Variants in NOX1 observed in about 807,000 individuals in gnomAD.
NOX1 encodes the protein NADH/NADPH mitogenic oxidase subunit P65-MOX.
Under a neutral mutation model 42.5 loss-of-function variants are expected in NOX1, and 34 were observed. That is an observed-to-expected ratio of 0.80 (90% CI 0.61 to 1.07). The LOEUF is 1.07. Ranked by LOEUF, NOX1 falls within the 50% of genes least tolerant of loss-of-function variation. The pLI is 0.00. For synonymous variants in NOX1, 143 were observed against 152.5 expected (o/e 0.94, Z 0.46); for missense variants, 408 against 427.0 (o/e 0.96, Z 0.39).
At chrX:100,856,456 C>A (rs2085167897) in intron 7 of NOX1, 1 of 435,567 alleles carries the variant, frequency 2.3e-6, no homozygotes, top group Admixed American at 3.3e-5. Context: ...AGCTCCCTAT[C>A]TTTAAGGTCC....
chrX:100,856,276 C>T, intron 7 of NOX1: 1 of 838,328 alleles, frequency 1.2e-6, no homozygotes, highest in Non-Finnish European at 1.8e-6. Flanking sequence ...TTCCCCATCA[C>T]TCATAATGGC....
At chrX:100,847,519 C>A (rs186509839) in intron 12 of NOX1, among the ~76,000 whole-genome samples, 1 of 109,916 alleles carries the variant, frequency 9.1e-6, no homozygotes, top group Non-Finnish European at 1.9e-5. Context: ...AATCTCAGCA[C>A]TTTTGGGGGC....
intron 7 of NOX1, chrX:100,856,487 A>G: frequency 2.8e-6 from 1 of 359,847 alleles, no homozygotes. Context: ...TAGTCCGCTA[A>G]TACAGATCCC....
At chrX:100,850,832 A>G (rs1373834490) in intron 8 of NOX1, among the ~76,000 whole-genome samples, 1 of 108,107 alleles carries the variant, frequency 9.3e-6, no homozygotes, top group African/African-American at 3.4e-5. Context: ...GGTATGCCAA[A>G]CCCAAGTTCT....
intron 7 of NOX1, among the ~76,000 whole-genome samples, chrX:100,857,374 T>A (rs1462728985): frequency 8.9e-6 from 1 of 112,285 alleles, no homozygotes. Context: ...GAATGATTTA[T>A]ATTCCTTTGG....
At position 100,874,115 on chromosome X, in the gene NOX1, A is replaced by C. The variant is rs1263319264; in HGVS notation, c.25T>G (p.Trp9Gly). Residue 9 changes from tryptophan to glycine, a missense_variant, in exon 1 of 13, where the codon TGG (tryptophan) becomes GGG (glycine). Trp to Gly is a radical substitution (Grantham distance 184, BLOSUM62 -2). Coordinates refer to ENST00000372966, the MANE Select transcript of NOX1 (RefSeq NM_007052.5). MGNWVVNH[W>G]FSVLFLVVWL... ...CTTACCAGAAACAAAACTGAAAACC[A>C]GTGGTTAACCACCCAGTTTCCCATT... 8.3e-7 allele frequency: 1 copy of C among 1,203,719 alleles called. No individual in the cohort carries two copies. The highest frequency in any genetic ancestry group is 1.1e-6 in the Non-Finnish European group (1 of 890,052).
intron 2 of NOX1, among the ~76,000 whole-genome samples, chrX:100,870,278 G>A (rs7883683): frequency 2.2e-4 from 24 of 109,502 alleles, no homozygotes; most frequent in African/African-American, 7.0e-4. Context: ...AAGAAATAGG[G>A]GCAGGAGCAG....
At chrX:100,845,709 G>C (rs1395460503) in intron 12 of NOX1, among the ~76,000 whole-genome samples, 4 of 102,589 alleles carry the variant, frequency 3.9e-5, no homozygotes, top group African/African-American at 1.4e-4. Context: ...TCCACCTCCC[G>C]GGTTCAAGCG....
intron 12 of NOX1, 140 bp from the exon 13 acceptor site, chrX:100,844,218 T>C (rs1452332767): frequency 3.6e-6 from 2 of 557,430 alleles, no homozygotes; most frequent in Non-Finnish European, 2.8e-6. Flanking sequence ...TGGTAGTTTT[T>C]TAACCTTTTC....
At chrX:100,863,629 C>T in intron 2 of NOX1, 34 bp from the exon 3 acceptor site, 1 of 1,181,839 alleles carries the variant, frequency 8.5e-7, no homozygotes, top group South Asian at 1.9e-5. Context: ...CCATCAGCTG[C>T]TTCATTTCAC....
intron 10 of NOX1, 145 bp downstream of exon 10, chrX:100,849,626 TG>T: frequency 1.5e-6 from 1 of 650,974 alleles, no homozygotes; most frequent in Non-Finnish European, 2.3e-6. Flanking sequence ...TCTGTAGAAG[TG>T]GATGTCCTGG....
Position 100,848,750 on chromosome X carries a change from C to G in NOX1, c.1448G>C (p.Gly483Ala). The G allele has an allele frequency of 6.6e-6, 8 of 1,210,806 alleles. No homozygotes were observed. Among genetic ancestry groups the G allele is most frequent in the Non-Finnish European group, 8.9e-6 (8 of 894,767 alleles). ...FLTGWDSNIV[G>A]HAALNFDKAT... ...CTTGTCAAAGTTTAATGCTGCATGA[C>G]CAACCTGGATTCAGAGGAATAAAAG... Residue 483 changes from glycine (G) to alanine (A), a missense_variant, in exon 12 of 13, where the codon GGT becomes GCT. Physicochemically the swap from Gly to Ala is moderately conservative, Grantham distance 60. Coordinates refer to ENST00000372966, the MANE Select transcript of NOX1 (RefSeq NM_007052.5).
chrX:100,854,875 C>A (rs113007997), intron 7 of NOX1, among the ~76,000 whole-genome samples: 6 of 110,673 alleles, frequency 5.4e-5, no homozygotes, highest in African/African-American at 2.0e-4. Context: ...CTGGCATCAC[C>A]CTGAAGGAAT....
At chrX:100,859,171 G>A (rs1200279257) in intron 7 of NOX1, among the ~76,000 whole-genome samples, 1 of 111,872 alleles carries the variant, frequency 8.9e-6, no homozygotes, top group Non-Finnish European at 1.9e-5. Flanking sequence ...AAAGCCTTTT[G>A]TGTATCTACT....
chrX:100,873,649 G>A (rs1250105972), intron 1 of NOX1, among the ~76,000 whole-genome samples: 3 of 112,015 alleles, frequency 2.7e-5, no homozygotes, highest in African/African-American at 9.7e-5. Flanking sequence ...TACCTTTTCG[G>A]TGTAGGTATT....
rs60439655 is a variant in NOX1, at chrX:100,873,286, T to C, written c.45+809A>G. Among the ~76,000 whole-genome samples the C allele has an allele frequency of 2.5e-3, 274 of 111,730 alleles. 1 individual carries two copies. The highest frequency in any genetic ancestry group is 8.6e-3 in the African/African-American group (264 of 30,764). ...CATACAAAGGGTGATAAAGGGGTTC[T>C]GGCCTGAACGTCATTGGGGAGCTGG... is the stretch of plus-strand genomic sequence containing the variant. On this transcript the variant is annotated intron_variant, in intron 1 of 12. Transcript: ENST00000372966.
chrX:100,862,883 C>A, intron 4 of NOX1, 63 bp from the exon 5 acceptor site: 1 of 1,019,633 alleles, frequency 9.8e-7, no homozygotes, highest in African/African-American at 1.9e-5. Context: ...CAGGTGTGCC[C>A]CACTAGACTA....
At chrX:100,867,361 C>T (rs2085245633) in intron 2 of NOX1, among the ~76,000 whole-genome samples, 1 of 112,693 alleles carries the variant, frequency 8.9e-6, no homozygotes, top group African/African-American at 3.2e-5. Context: ...TCTTCCTCTG[C>T]TGCTTATCTG....
At chrX:100,866,909 C>T (rs1047486015) in intron 2 of NOX1, among the ~76,000 whole-genome samples, 2 of 111,386 alleles carry the variant, frequency 1.8e-5, no homozygotes, top group African/African-American at 6.5e-5. Context: ...TGGGCATGGT[C>T]GCTCACACCT....
Sources: allele counts gnomAD v4.1 joint callset (sites outside exome capture counted in the v4.1 genomes callset), GRCh38; gene constraint gnomAD v4.1.1; transcripts MANE v1.5; gene names NCBI Gene and HGNC (gene_info 2026-07-23, HGNC 2026-07-21).